The following PTPRG variants were observed in gnomAD, a reference collection of about 807,000 sequenced individuals.
PTPRG encodes protein tyrosine phosphatase receptor type G.
PTPRG carries 102 observed loss-of-function variants against 165.3 expected under a neutral mutation model. That is an observed-to-expected ratio of 0.62 (90% CI 0.53 to 0.73). The LOEUF is 0.73. PTPRG is among the 30% of genes least tolerant of loss of function. The pLI, the probability that PTPRG is intolerant of heterozygous loss-of-function variation, is 0.00. For synonymous variants in PTPRG, 675 were observed against 669.5 expected (o/e 1.01, Z -0.13); for missense variants, 1,866 against 1,861.4 (o/e 1.00, Z -0.05).
chr3:61,971,207 C>A, intron 2 of PTPRG, among the ~76,000 whole-genome samples: 1 of 152,248 alleles, frequency 6.6e-6, no homozygotes, highest in East Asian at 1.9e-4. Context: ...ATCTGCCAAC[C>A]ATGTCCGGCT....
intron 1 of PTPRG, among the ~76,000 whole-genome samples, chr3:61,708,671 A>G (rs979728893): frequency 2.0e-5 from 3 of 151,672 alleles, no homozygotes; most frequent in Non-Finnish European, 4.4e-5. Context: ...GTTAGCCAGG[A>G]TGGTCTCGAT....
At chr3:61,851,020 G>A (rs147162933) in intron 2 of PTPRG, among the ~76,000 whole-genome samples, 225 of 152,270 alleles carry the variant, frequency 1.5e-3, no homozygotes, top group Non-Finnish European at 2.7e-3. Flanking sequence ...GAATGTTAAC[G>A]GTAACTCTCC....
At chr3:62,291,220 AATG>A (rs1004418948) in intron 28 of PTPRG, among the ~76,000 whole-genome samples, 3 of 152,166 alleles carry the variant, frequency 2.0e-5, no homozygotes, top group African/African-American at 7.2e-5. Flanking sequence ...TCAAGTTTAA[AATG>A]ATGAGGAGAA....
intron 2 of PTPRG, among the ~76,000 whole-genome samples, chr3:61,830,717 G>C (rs943912733): frequency 6.6e-6 from 1 of 151,862 alleles, no homozygotes; most frequent in East Asian, 1.9e-4. Context: ...TGGGATTACA[G>C]GCACGCGCCA....
chr3:61,812,718 T>C (rs2035623567), intron 2 of PTPRG, among the ~76,000 whole-genome samples: 1 of 152,212 alleles, frequency 6.6e-6, no homozygotes, highest in Non-Finnish European at 1.5e-5. Flanking sequence ...CCCCGAGGGC[T>C]CCTCAGATGT....
rs771574927 is a variant in PTPRG at position 62,273,690 on chromosome 3, C to T, written c.3319-8C>T. 1 of 1,612,988 alleles carries T rather than the reference C, an allele frequency of 6.2e-7. No individual in the cohort carries two copies. Among genetic ancestry groups the T allele is most frequent in the Admixed American group, 1.7e-5 (1 of 59,984 alleles). On this transcript the variant is annotated splice_region_variant and splice_polypyrimidine_tract_variant and intron_variant, in intron 22 of 29. Transcript: ENST00000474889. This position sits in a 1 kb window ranked among gnomAD's most constrained non-coding sequence, Gnocchi z 4.1. ...CCCTCAGTGACTACCATGTATTGTA[C>T]CTCTTAGGAGCAGTACATTTTCATC... is the stretch of plus-strand genomic sequence containing the variant.
chr3:62,202,551 C>T (rs1050677644), intron 11 of PTPRG, among the ~76,000 whole-genome samples: 4 of 152,224 alleles, frequency 2.6e-5, no homozygotes, highest in Non-Finnish European at 5.9e-5. Flanking sequence ...GGTACAGTGA[C>T]TCTGCAGTGC....
intron 2 of PTPRG, among the ~76,000 whole-genome samples, chr3:61,781,818 C>G (rs2034552097): frequency 6.6e-6 from 1 of 151,802 alleles, no homozygotes; most frequent in Non-Finnish European, 1.5e-5. Flanking sequence ...GCCTCAGCCT[C>G]CCAGGCTCGA....
At chr3:61,946,549 C>T (rs2039764978) in intron 2 of PTPRG, among the ~76,000 whole-genome samples, 2 of 152,200 alleles carry the variant, frequency 1.3e-5, no homozygotes, top group Non-Finnish European at 1.5e-5. Flanking sequence ...CTCTGTACTA[C>T]ATAGATTGTG....
At chr3:62,171,531 C>T (rs761422749) in intron 8 of PTPRG, among the ~76,000 whole-genome samples, 3 of 152,122 alleles carry the variant, frequency 2.0e-5, no homozygotes, top group Non-Finnish European at 4.4e-5. Flanking sequence ...ATATTTTCAT[C>T]GCCACAGAAA....
chr3:62,003,570 C>T, intron 4 of PTPRG, 73 bp downstream of exon 4: 2 of 1,564,588 alleles, frequency 1.3e-6, no homozygotes, highest in Non-Finnish European at 1.7e-6. Flanking sequence ...GTGCCCTTAC[C>T]CTCAGTCATT....
chr3:62,020,139 A>G (rs1280037364), intron 4 of PTPRG, among the ~76,000 whole-genome samples: 1 of 152,178 alleles, frequency 6.6e-6, no homozygotes, highest in African/African-American at 2.4e-5. Flanking sequence ...GTAGGGGGAG[A>G]TGAAAACATA....
chr3:62,149,355 C>T (rs1704241074), intron 6 of PTPRG, among the ~76,000 whole-genome samples: 1 of 150,544 alleles, frequency 6.6e-6, no homozygotes, highest in Non-Finnish European at 1.5e-5. Context: ...CTCACTGCAA[C>T]CTCCACCTTC....
chr3:62,215,020 C>T (rs534067749), intron 12 of PTPRG, among the ~76,000 whole-genome samples: 1 of 152,146 alleles, frequency 6.6e-6, no homozygotes, highest in Non-Finnish European at 1.5e-5. Context: ...ATGGGAGGGG[C>T]AAAGGCAGAG....
intron 6 of PTPRG, among the ~76,000 whole-genome samples, chr3:62,150,531 T>A (rs1704292908): frequency 6.6e-6 from 1 of 152,194 alleles, no homozygotes; most frequent in Non-Finnish European, 1.5e-5. Context: ...CTGTCATAAA[T>A]CATCTTCCAT....
chr3:61,692,805 C>T (rs112920909), intron 1 of PTPRG, among the ~76,000 whole-genome samples: 2 of 152,076 alleles, frequency 1.3e-5, no homozygotes, highest in Non-Finnish European at 2.9e-5. Flanking sequence ...AGGCAGGAAC[C>T]GGCCATCTGG....
At chr3:62,206,649 A>T (rs1007476203) in intron 12 of PTPRG, among the ~76,000 whole-genome samples, 2 of 152,076 alleles carry the variant, frequency 1.3e-5, no homozygotes, top group Admixed American at 6.6e-5. Context: ...TGACCTCCAG[A>T]TGGCCGAGTG....
At chr3:61,596,207 A>ACC (rs1465696508) in intron 1 of PTPRG, among the ~76,000 whole-genome samples, 2 of 152,092 alleles carry the variant, frequency 1.3e-5, no homozygotes, top group Non-Finnish European at 2.9e-5. Context: ...TATCGTTGTC[A>ACC]CCCCCTCATT....
intron 5 of PTPRG, among the ~76,000 whole-genome samples, chr3:62,087,058 T>A (rs1014884720): frequency 1.3e-5 from 2 of 152,264 alleles, no homozygotes; most frequent in African/African-American, 4.8e-5. Context: ...CTTTTGTACA[T>A]CATTGAATGA....
Sources: gnomAD v4.1 joint callset for allele counts (sites outside exome capture counted in the v4.1 genomes callset) on GRCh38, gnomAD v4.1.1 for gene constraint, Gnocchi (gnomAD v3.1) non-coding constraint, MANE v1.5 for transcripts, NCBI Gene and HGNC (gene_info 2026-07-23, HGNC 2026-07-21) for gene names.